NPAS2: variants seen among roughly 807,000 people sequenced by gnomAD.
NPAS2 encodes neuronal PAS domain-containing protein 2.
A neutral mutation model predicts 107.5 loss-of-function variants in NPAS2; 23 were observed. The observed-to-expected ratio is 0.21, with a 90% CI of 0.15 to 0.30. The LOEUF is 0.30. Ranked by LOEUF, NPAS2 falls within the 10% of genes least tolerant of loss-of-function variation. The pLI is 1.00. For missense variants in NPAS2, 756 were observed against 1,043.3 expected (o/e 0.72, Z 3.79); for synonymous variants, 403 against 417.5 (o/e 0.97, Z 0.42).
intron 1 of NPAS2, among the ~76,000 whole-genome samples, chr2:100,835,822 T>C (rs1482697225): frequency 6.6e-6 from 1 of 152,136 alleles, no homozygotes; most frequent in African/African-American, 2.4e-5. Flanking sequence ...GGAAGCCTCC[T>C]AGAAGTCACT....
At chr2:100,885,612 T>G (rs1368237778) in intron 1 of NPAS2, among the ~76,000 whole-genome samples, 1 of 152,224 alleles carries the variant, frequency 6.6e-6, no homozygotes, top group African/African-American at 2.4e-5. Context: ...AATGGAACGT[T>G]CTTTGTGATA....
chr2:100,870,258 C>G (rs1297733613), intron 1 of NPAS2, among the ~76,000 whole-genome samples: 2 of 152,144 alleles, frequency 1.3e-5, no homozygotes, highest in African/African-American at 4.8e-5. Context: ...TTCTCTTATT[C>G]TTTTTAGCTG....
At chr2:100,913,789 C>A (rs1682703584) in intron 2 of NPAS2, among the ~76,000 whole-genome samples, 1 of 152,152 alleles carries the variant, frequency 6.6e-6, no homozygotes, top group South Asian at 2.1e-4. Flanking sequence ...TGCATGCGTT[C>A]TTGTGAATTT....
chr2:100,919,983 T>C (rs11676107), intron 2 of NPAS2, among the ~76,000 whole-genome samples: 15,598 of 152,244 alleles, frequency 0.1, 935 homozygotes, highest in East Asian at 0.26. Flanking sequence ...CTGCTTTTAG[T>C]TGAGGGCCAA....
At chr2:100,840,266 T>A (rs1677313250) in intron 1 of NPAS2, among the ~76,000 whole-genome samples, 1 of 152,132 alleles carries the variant, frequency 6.6e-6, no homozygotes. Context: ...ATCTAAATTT[T>A]ACAGTTCCAA....
intron 3 of NPAS2, among the ~76,000 whole-genome samples, chr2:100,931,599 G>C (rs2104934919): frequency 6.7e-6 from 1 of 148,240 alleles, no homozygotes; most frequent in South Asian, 2.1e-4. Context: ...CCATTCTCCT[G>C]CCTCAGCCTC....
intron 15 of NPAS2, among the ~76,000 whole-genome samples, chr2:100,979,910 C>G (rs909644952): frequency 1.6e-4 from 24 of 152,242 alleles, no homozygotes; most frequent in African/African-American, 5.8e-4. Context: ...TGTGAAATAC[C>G]CACTTCATGT....
chr2:100,995,956 C>T lies in NPAS2; in HGVS notation c.*374C>T. The stretch of plus-strand genomic sequence containing the variant: ...GGCCCGCCCATCTGCGCTAGCTGGC[C>T]TTCACGCTCTTGATCGTCTTTCCTT... On this transcript the variant is annotated 3_prime_UTR_variant, in exon 21 of 21. Transcript: ENST00000335681. The T allele has an allele frequency of 1.5e-6, 2 of 1,343,634 alleles. No homozygotes were observed. The highest frequency in any genetic ancestry group is 2.5e-5 in the South Asian group (2 of 80,030). 83.2% of individuals were successfully genotyped at this position (1,343,634 alleles called of 1,614,324 possible). A position where few individuals can be genotyped will look rare whatever the true frequency, so the allele number is the denominator to read the frequency against.
At chr2:100,955,441 C>T (rs1440917637) in intron 7 of NPAS2, among the ~76,000 whole-genome samples, 1 of 152,158 alleles carries the variant, frequency 6.6e-6, no homozygotes, top group East Asian at 1.9e-4. Context: ...CGGGACACAG[C>T]TGGTGGAGGG....
intron 4 of NPAS2, chr2:100,934,228 C>T (rs1391105178): frequency 6.6e-6 from 1 of 151,768 alleles, no homozygotes; most frequent in Non-Finnish European, 1.5e-5. Flanking sequence ...TTACATAAAT[C>T]GATTTATCTT....
At chr2:100,921,999 C>G (rs1683256636) in intron 2 of NPAS2, among the ~76,000 whole-genome samples, 1 of 152,166 alleles carries the variant, frequency 6.6e-6, no homozygotes, top group African/African-American at 2.4e-5. Flanking sequence ...ATATGTGCAG[C>G]AACATGATGC....
At chr2:100,987,963 ATTT>A (rs1677871951) in intron 16 of NPAS2, 113 bp from the exon 17 acceptor site, 1 of 1,118,900 alleles carries the variant, frequency 8.9e-7, no homozygotes. Flanking sequence ...TAAATGAACT[ATTT>A]CTAGGCAGCT....
At chr2:100,944,284 C>T (rs867299393) in intron 5 of NPAS2, among the ~76,000 whole-genome samples, 11 of 152,148 alleles carry the variant, frequency 7.2e-5, no homozygotes, top group South Asian at 2.1e-4. Context: ...ACTGCCAGAG[C>T]GCCTCAGGGA....
At chr2:100,900,427 T>A (rs889620809) in intron 1 of NPAS2, among the ~76,000 whole-genome samples, 5 of 152,188 alleles carry the variant, frequency 3.3e-5, no homozygotes, top group Admixed American at 3.3e-4. Context: ...ATATTACATG[T>A]TAGAATGGAG....
intron 1 of NPAS2, among the ~76,000 whole-genome samples, chr2:100,869,904 T>C (rs1158194487): frequency 2.1e-5 from 3 of 144,932 alleles, no homozygotes; most frequent in Admixed American, 6.8e-5. Context: ...TGACTTCTTT[T>C]TTTTTTTTTT....
chr2:100,836,955 A>T (rs1253494369), intron 1 of NPAS2, among the ~76,000 whole-genome samples: 6 of 152,246 alleles, frequency 3.9e-5, no homozygotes, highest in African/African-American at 1.2e-4. Context: ...TTTCAGGATC[A>T]AGAACTAAAA....
Position 100,976,531 on chromosome 2 carries a change from G to T in NPAS2, c.1392+964G>T, listed in dbSNP as rs1346432819. On this transcript the variant is annotated intron_variant, in intron 14 of 20. Coordinates refer to ENST00000335681, the MANE Select transcript of NPAS2 (RefSeq NM_002518.4). The surrounding 1 kb of genome is among the most constrained non-coding windows in gnomAD (Gnocchi z 4.1). ...ACTTCTAGACGGGAGAAGTACCCAGGAATTTTAGGGGCCACCTCCAGATAG... is the reference window on the plus strand; with the variant it reads ...ACTTCTAGACGGGAGAAGTACCCAGTAATTTTAGGGGCCACCTCCAGATAG... 2.0e-5 allele frequency among the ~76,000 whole-genome samples: 3 copies of T among 152,052 alleles called. No homozygotes were observed. Among genetic ancestry groups the T allele is most frequent in the Non-Finnish European group, 1.5e-5 (1 of 68,022 alleles).
chr2:100,850,663 G>A (rs923038665), intron 1 of NPAS2, among the ~76,000 whole-genome samples: 6 of 152,042 alleles, frequency 3.9e-5, no homozygotes, highest in African/African-American at 1.4e-4. Context: ...CCTTAAAAAC[G>A]AAGGACAGGC....
At chr2:100,874,072 C>G (rs958537626) in intron 1 of NPAS2, among the ~76,000 whole-genome samples, 4 of 151,898 alleles carry the variant, frequency 2.6e-5, no homozygotes, top group African/African-American at 9.7e-5. Context: ...CCTTCACCAC[C>G]TGGGTTCGAG....
Sources: allele counts gnomAD v4.1 joint callset (sites outside exome capture counted in the v4.1 genomes callset), GRCh38; gene constraint gnomAD v4.1.1; non-coding constraint Gnocchi (gnomAD v3.1); transcripts MANE v1.5; gene names NCBI Gene and HGNC (gene_info 2026-07-23, HGNC 2026-07-21).